The following C2orf76 variants were observed in gnomAD, a reference collection of about 807,000 sequenced individuals.
C2orf76 encodes the protein chromosome 2 open reading frame 76.
Under a neutral mutation model 16.9 loss-of-function variants are expected in C2orf76, and 23 were observed. The ratio of observed to expected loss-of-function variants is 1.36; its 90% CI spans 0.98 to 1.93. The LOEUF (loss-of-function observed/expected upper bound fraction) is 1.93. Among genes scored for constraint, C2orf76 ranks in the 30% most tolerant of loss-of-function variants. The probability of loss-of-function intolerance (pLI) is 0.00; values close to 1 mark genes in which losing one functional copy is unlikely to be tolerated. For synonymous variants in C2orf76, 48 were observed against 52.3 expected (o/e 0.92, Z 0.35); for missense variants, 152 against 152.6 (o/e 1.00, Z 0.02).
chr2:119,361,389 G>A lies in C2orf76; in HGVS notation c.-13+5401C>T, dbSNP rs375424306. ...CTCAAATTTTATTATAGATATGTAT[G>A]TACAGTCAGCCCTCCATATCTGTGG... On this transcript the variant is annotated intron_variant, in intron 1 of 5. Transcript: ENST00000334816. 5.9e-5 allele frequency among the ~76,000 whole-genome samples: 9 copies of A among 152,264 alleles called. No individual in the cohort carries two copies. The South Asian group carries it at 1.9e-3, about 32-fold the overall frequency.
intron 3 of C2orf76, among the ~76,000 whole-genome samples, chr2:119,320,858 A>G (rs937003158): frequency 1.3e-5 from 2 of 152,250 alleles, no homozygotes; most frequent in Non-Finnish European, 2.9e-5. Context: ...GGCATTTAAA[A>G]TGTTAAATCC....
At chr2:119,291,549 G>A in the C2orf76 span, among the ~76,000 whole-genome samples, 1 of 151,910 alleles carries the variant, frequency 6.6e-6, no homozygotes, top group Non-Finnish European at 1.5e-5. Flanking sequence ...TGAATCCAAG[G>A]GCAAGGCACC....
chr2:119,342,816 G>A (rs1316452955), intron 1 of C2orf76, among the ~76,000 whole-genome samples: 2 of 151,884 alleles, frequency 1.3e-5, no homozygotes, highest in Non-Finnish European at 2.9e-5. Context: ...GCTGGAGTGC[G>A]GTGGTGCCAT....
the C2orf76 span, among the ~76,000 whole-genome samples, chr2:119,287,674 T>C: frequency 6.6e-6 from 1 of 152,222 alleles, no homozygotes; most frequent in Admixed American, 6.5e-5. Context: ...TTGAGTTTTT[T>C]TTCATGGCAG....
At chr2:119,295,260 C>T in the C2orf76 span, among the ~76,000 whole-genome samples, 6 of 152,054 alleles carry the variant, frequency 3.9e-5, no homozygotes, top group African/African-American at 1.4e-4. Flanking sequence ...CTAAAATCAT[C>T]AGGTAATAAG....
At chr2:119,321,341 T>A in intron 2 of C2orf76, 137 bp from the exon 3 acceptor site, 1 of 540,248 alleles carries the variant, frequency 1.9e-6, no homozygotes, top group Non-Finnish European at 3.3e-6. Context: ...AATAAATACA[T>A]CACCGAAATC....
chr2:119,336,452 A>G (rs1383316875), intron 2 of C2orf76, among the ~76,000 whole-genome samples: 9 of 151,528 alleles, frequency 5.9e-5, no homozygotes, highest in Non-Finnish European at 1.2e-4. Context: ...ATGTAAATAT[A>G]TACATTTATA....
intron 1 of C2orf76, among the ~76,000 whole-genome samples, chr2:119,355,578 G>A (rs371967487): frequency 1.1e-3 from 167 of 152,256 alleles, no homozygotes; most frequent in African/African-American, 3.5e-3. Flanking sequence ...ATAGGGAGGA[G>A]GAATGGAATA....
chr2:119,315,786 A>C (rs1358737364), intron 4 of C2orf76, among the ~76,000 whole-genome samples: 5 of 152,226 alleles, frequency 3.3e-5, no homozygotes, highest in Non-Finnish European at 7.3e-5. Context: ...CTGGAAAAAC[A>C]AGCCCTAATT....
At chr2:119,335,340 C>A (rs1383977788) in intron 2 of C2orf76, among the ~76,000 whole-genome samples, 1 of 152,074 alleles carries the variant, frequency 6.6e-6, no homozygotes, top group East Asian at 1.9e-4. Context: ...ACACAATTTT[C>A]CACTAAAAAA....
intron 3 of C2orf76, among the ~76,000 whole-genome samples, chr2:119,318,172 G>A (rs1679234204): frequency 6.6e-6 from 1 of 152,118 alleles, no homozygotes; most frequent in Admixed American, 6.5e-5. Flanking sequence ...CTCCACACTT[G>A]GGTAAAATTC....
At chr2:119,334,100 T>G (rs1679762057) in intron 2 of C2orf76, among the ~76,000 whole-genome samples, 1 of 152,074 alleles carries the variant, frequency 6.6e-6, no homozygotes, top group African/African-American at 2.4e-5. Context: ...ACCCCTTCAA[T>G]GTATATTTCT....
chr2:119,282,917 G>T, the C2orf76 span, among the ~76,000 whole-genome samples: 3 of 152,218 alleles, frequency 2.0e-5, no homozygotes, highest in African/African-American at 7.2e-5. Context: ...CAAGGCTGCG[G>T]GGGGAAACAA....
the C2orf76 span, among the ~76,000 whole-genome samples, chr2:119,296,925 A>G: frequency 1.3e-5 from 2 of 152,236 alleles, no homozygotes; most frequent in East Asian, 1.9e-4. Context: ...TTGTTTTCAA[A>G]GAGTGGCAGA....
upstream of C2orf76, chr2:119,366,991 G>T: frequency 6.2e-7 from 1 of 1,610,072 alleles, no homozygotes; most frequent in Non-Finnish European, 8.5e-7. Flanking sequence ...CAATCTGGGC[G>T]ATCGCTTCCT....
chr2:119,282,888 C>T, the C2orf76 span, among the ~76,000 whole-genome samples: 3 of 152,190 alleles, frequency 2.0e-5, no homozygotes, highest in Admixed American at 6.5e-5. Context: ...TAACCACCCC[C>T]GCTTCACTCT....
chr2:119,308,426 G>A (rs917294081), intron 5 of C2orf76, among the ~76,000 whole-genome samples: 1 of 152,204 alleles, frequency 6.6e-6, no homozygotes, highest in South Asian at 2.1e-4. Context: ...GGAAAACCGA[G>A]GTCAGGAGTT....
intron 1 of C2orf76, among the ~76,000 whole-genome samples, chr2:119,361,663 C>T (rs1236955603): frequency 6.6e-6 from 1 of 151,988 alleles, no homozygotes; most frequent in Non-Finnish European, 1.5e-5. Flanking sequence ...TTTTTGGCAT[C>T]CATAGGAGGT....
intron 2 of C2orf76, among the ~76,000 whole-genome samples, chr2:119,337,864 G>A (rs1226290903): frequency 6.6e-6 from 1 of 152,142 alleles, no homozygotes; most frequent in Non-Finnish European, 1.5e-5. Flanking sequence ...TACCTGGAAA[G>A]AAAAGAACAC....
Sources: allele counts gnomAD v4.1 joint callset (sites outside exome capture counted in the v4.1 genomes callset), GRCh38; gene constraint gnomAD v4.1.1; transcripts MANE v1.5; gene names NCBI Gene and HGNC (gene_info 2026-07-23, HGNC 2026-07-21).